Variants in TANGO6 observed in about 807,000 individuals in gnomAD.
The protein encoded by TANGO6 is transport and golgi organization 6 homolog.
In TANGO6, 90 loss-of-function variants were observed where a neutral mutation model predicts 114.2. That is an observed-to-expected ratio of 0.79 (90% CI 0.66 to 0.94). The LOEUF is 0.94. Among genes scored for constraint, TANGO6 ranks in the 40% least tolerant of loss-of-function variants. TANGO6 has a pLI of 0.00. For missense variants in TANGO6, 1,274 were observed against 1,315.3 expected, an observed-to-expected ratio of 0.97 and a Z score of 0.49; for synonymous variants, 477 against 509.8, an observed-to-expected ratio of 0.94 and a Z score of 0.87.
Position 68,875,202 on chromosome 16 carries a change from A to G in TANGO6, c.1043A>G (p.Lys348Arg). The G allele has an allele frequency of 1.2e-6, 2 of 1,613,390 alleles. No homozygotes were observed. The highest frequency in any genetic ancestry group is 1.7e-6 in the Non-Finnish European group (2 of 1,179,510). ...GCTGAGGTGACGGCTGCTGACTGGA[A>G]GAAGTGTGACCTGATCGCAAAGATT... ...SDAEVTAADW[K>R]KCDLIAKILA... The change falls in exon 5 of 18, where the codon AAG (lysine) becomes AGG (arginine). Residue 348 changes from lysine to arginine, a missense_variant. Physicochemically the swap from Lys to Arg is conservative, Grantham distance 26 (BLOSUM62 2). Around this residue, in one of 5 missense-constraint regions of TANGO6, gnomAD observed 908 missense variants for 910.2 expected, o/e 1.00. Coordinates refer to ENST00000261778, the MANE Select transcript of TANGO6 (RefSeq NM_024562.2).
chr16:68,937,222 C>G (rs1597028501), intron 14 of TANGO6: 1 of 152,320 alleles, frequency 6.6e-6, no homozygotes, highest in Admixed American at 6.5e-5. Flanking sequence ...CGAAGTTTAT[C>G]ATCTCCATTT....
intron 1 of TANGO6, chr16:68,846,676 T>TA (rs1961811961): frequency 5.9e-6 from 1 of 168,302 alleles, no homozygotes; most frequent in Non-Finnish European, 1.3e-5. Flanking sequence ...TCTTTTTTTT[T>TA]TTTTTTTTTT....
In TANGO6 at chr16:68,843,588, G is replaced by T. The variant is rs769351891; in HGVS notation, c.-30G>T. The T allele has an allele frequency of 5.6e-6, 9 of 1,605,798 alleles. No homozygotes were observed. In the Admixed American group the frequency reaches 1.4e-4, roughly 24 times the overall value. On this transcript the variant is annotated 5_prime_UTR_variant, in exon 1 of 18. Transcript: ENST00000261778. ...CGGCGCCCTGCCGAGGCGCCTGAGC[G>T]GGTCGCGAGCGTGGTGTTACACTCC...
intron 17 of TANGO6, among the ~76,000 whole-genome samples, chr16:69,056,063 G>T (rs1359438173): frequency 6.6e-6 from 1 of 151,980 alleles, no homozygotes. Context: ...AAAGAAAAAA[G>T]AAAATTAAAG....
At chr16:68,938,460 C>T (rs1391949325) in intron 14 of TANGO6, among the ~76,000 whole-genome samples, 1 of 151,800 alleles carries the variant, frequency 6.6e-6, no homozygotes, top group African/African-American at 2.4e-5. Flanking sequence ...TTTCAAAAGC[C>T]AGGCTTATAG....
intron 14 of TANGO6, among the ~76,000 whole-genome samples, chr16:68,934,093 A>G (rs144794399): frequency 3.9e-4 from 59 of 150,360 alleles, no homozygotes; most frequent in African/African-American, 1.3e-3. Flanking sequence ...CTCAGGGTAG[A>G]GTATAGTGGC....
At chr16:69,037,537 T>C (rs572336622) in intron 16 of TANGO6, among the ~76,000 whole-genome samples, 3 of 152,244 alleles carry the variant, frequency 2.0e-5, no homozygotes, top group Non-Finnish European at 4.4e-5. Context: ...CTAACTTGTT[T>C]CTCTGGTTTC....
rs757461798 is a variant in TANGO6, at chr16:68,927,859, A to G, written c.2419A>G (p.Thr807Ala). ...GCAGAGCCATGAGACAGCCCCCCAG[A>G]CAGGCCTGCAGTCAAATGCTCCAAT... is the stretch of plus-strand genomic sequence containing the variant. ...QQQSHETAPQTGLQSNAPIIP... is the reference protein window; with the variant it reads ...QQQSHETAPQAGLQSNAPIIP... The change falls in exon 13 of 18, where the codon ACA becomes GCA. Residue 807 changes from threonine (T) to alanine (A), a missense_variant. Physicochemically the swap from Thr to Ala is moderately conservative, Grantham distance 58. Coordinates refer to ENST00000261778, the MANE Select transcript of TANGO6 (RefSeq NM_024562.2). 6.2e-6 allele frequency: 10 copies of G among 1,614,004 alleles called. No homozygotes were observed. Among genetic ancestry groups the G allele is most frequent in the Non-Finnish European group, 8.5e-6 (10 of 1,179,864 alleles).
chr16:68,981,210 C>CTTTTT (rs553789256), intron 15 of TANGO6, among the ~76,000 whole-genome samples: 16 of 111,052 alleles, frequency 1.4e-4, no homozygotes, highest in Non-Finnish European at 2.4e-4. Flanking sequence ...TTTTCTTTTC[C>CTTTTT]TTTTTTTTTT....
intron 17 of TANGO6, among the ~76,000 whole-genome samples, chr16:69,075,311 C>T (rs941089865): frequency 4.0e-5 from 6 of 151,892 alleles, no homozygotes; most frequent in Admixed American, 6.6e-5. Context: ...TGTGCAATGC[C>T]AATTCTAAAT....
At chr16:69,071,382 G>GA (rs1960295427) in intron 17 of TANGO6, among the ~76,000 whole-genome samples, 1 of 152,110 alleles carries the variant, frequency 6.6e-6, no homozygotes, top group African/African-American at 2.4e-5. Context: ...GTTATAGATG[G>GA]AAAAACCTCT....
chr16:68,951,685 T>C (rs978444915), intron 14 of TANGO6, among the ~76,000 whole-genome samples: 1 of 150,096 alleles, frequency 6.7e-6, no homozygotes, highest in Non-Finnish European at 1.5e-5. Context: ...TGATCTCAGC[T>C]CACTGCAAGC....
intron 15 of TANGO6, among the ~76,000 whole-genome samples, chr16:69,006,657 A>G (rs540085815): frequency 1.3e-5 from 2 of 152,308 alleles, no homozygotes; most frequent in East Asian, 3.9e-4. Context: ...AGGCTGAGGC[A>G]GGAGAATCCC....
intron 12 of TANGO6, among the ~76,000 whole-genome samples, chr16:68,922,788 C>T (rs1408418634): frequency 1.3e-5 from 2 of 152,036 alleles, no homozygotes; most frequent in Non-Finnish European, 2.9e-5. Context: ...TCCAGGGAGG[C>T]AGCAGAGCTT....
At chr16:68,884,645 T>C (rs912449740) in intron 7 of TANGO6, among the ~76,000 whole-genome samples, 2 of 152,138 alleles carry the variant, frequency 1.3e-5, no homozygotes, top group Non-Finnish European at 2.9e-5. Context: ...GTAAGACTAA[T>C]TGTGACTAAA....
At chr16:69,011,314 G>A (rs1474707255) in intron 15 of TANGO6, among the ~76,000 whole-genome samples, 1 of 152,126 alleles carries the variant, frequency 6.6e-6, no homozygotes, top group Non-Finnish European at 1.5e-5. Context: ...TAAAAGAATG[G>A]TGTAAGAATT....
intron 17 of TANGO6, among the ~76,000 whole-genome samples, chr16:69,080,436 G>C (rs1441936743): frequency 1.3e-5 from 2 of 152,156 alleles, no homozygotes; most frequent in African/African-American, 4.8e-5. Flanking sequence ...TGTAGTCCCA[G>C]CTAACTTGGG....
At position 68,927,842 on chromosome 16, in the gene TANGO6, A is replaced by G. The variant is rs888841970; in HGVS notation, c.2402A>G (p.His801Arg). The G allele has an allele frequency of 4.3e-6, 7 of 1,613,920 alleles. No homozygotes were observed. In the African/African-American group the frequency reaches 6.7e-5, roughly 15 times the overall value. The stretch of plus-strand genomic sequence containing the variant: ...AGCCACCTTGAACAACAGCAGAGCC[A>G]TGAGACAGCCCCCCAGACAGGCCTG... ...AHSHLEQQQS[H>R]ETAPQTGLQS... Residue 801 changes from histidine (H) to arginine (R), a missense_variant, in exon 13 of 18, where the codon CAT becomes CGT. His to Arg is a conservative substitution (Grantham distance 29, BLOSUM62 0). Transcript: ENST00000261778.
At position 68,973,781 on chromosome 16, in the gene TANGO6, G is replaced by A. The variant is rs1963733954; in HGVS notation, c.2702-247G>A. 4 of 502,088 alleles carry A rather than the reference G, an allele frequency of 8.0e-6. No individual in the cohort carries two copies. In the East Asian group the frequency reaches 1.0e-4, roughly 13 times the overall value. 31.1% of individuals were successfully genotyped at this position (502,088 alleles called of 1,614,324 possible). ...GGAGGCATTGCCTGGATCATAGAAC[G>A]TCAGTGCTGGGAGTGACCTTAGAGA... On this transcript the variant is annotated intron_variant, in intron 14 of 17. Coordinates refer to ENST00000261778, the MANE Select transcript of TANGO6 (RefSeq NM_024562.2).
Sources: allele counts gnomAD v4.1 joint callset (sites outside exome capture counted in the v4.1 genomes callset), GRCh38; gene constraint gnomAD v4.1.1; regional missense constraint gnomAD v4.1.1; transcripts MANE v1.5; gene names NCBI Gene and HGNC (gene_info 2026-07-23, HGNC 2026-07-21).